The following AGTPBP1 variants were observed in gnomAD, a reference collection of about 807,000 sequenced individuals.
AGTPBP1 encodes ATP/GTP binding carboxypeptidase 1.
Under a neutral mutation model 143.9 loss-of-function variants are expected in AGTPBP1, and 70 were observed. That is an observed-to-expected ratio of 0.49 (90% CI 0.40 to 0.59). AGTPBP1 has a LOEUF of 0.59. Among genes scored for constraint, AGTPBP1 ranks in the 20% least tolerant of loss-of-function variants. AGTPBP1 has a pLI of 0.00. For synonymous variants in AGTPBP1, 463 were observed against 500.2 expected (o/e 0.93, Z 0.99); for missense variants, 1,229 against 1,464.5 (o/e 0.84, Z 2.62).
At chr9:85,742,032 A>T (rs1373829474), upstream of AGTPBP1, 1 of 1,193,672 alleles carries the variant, frequency 8.4e-7, no homozygotes, top group Non-Finnish European at 1.0e-6. Context: ...ACGCGCAGGG[A>T]GTGGGGGCGG....
the AGTPBP1 span, chr9:85,764,706 A>T: frequency 8.9e-7 from 1 of 1,129,668 alleles, no homozygotes; most frequent in Non-Finnish European, 1.4e-6. Context: ...TGTATCTTTT[A>T]GGCCTTAAAC....
At chr9:85,718,982 T>C (rs1328344824) in intron 1 of AGTPBP1, among the ~76,000 whole-genome samples, 1 of 152,048 alleles carries the variant, frequency 6.6e-6, no homozygotes, top group African/African-American at 2.4e-5. Context: ...TGGTTGCAGA[T>C]GTATGGTGTT....
At chr9:85,557,530 T>C (rs547209499) in intron 25 of AGTPBP1, among the ~76,000 whole-genome samples, 13 of 152,324 alleles carry the variant, frequency 8.5e-5, no homozygotes, top group African/African-American at 3.1e-4. Flanking sequence ...GTAGTAGCAA[T>C]AAATGATTCC....
At chr9:85,603,627 G>A (rs910987062) in intron 17 of AGTPBP1, among the ~76,000 whole-genome samples, 3 of 152,130 alleles carry the variant, frequency 2.0e-5, no homozygotes, top group Non-Finnish European at 4.4e-5. Flanking sequence ...AGAGTAAAGG[G>A]GATTTTATCT....
intron 25 of AGTPBP1, among the ~76,000 whole-genome samples, chr9:85,553,243 T>C (rs74305456): frequency 5.3e-5 from 8 of 152,266 alleles, no homozygotes; most frequent in African/African-American, 1.7e-4. Context: ...AAAAAGAAAT[T>C]TGCTAATCTA....
chr9:85,570,888 A>AT (rs919033450), intron 25 of AGTPBP1, among the ~76,000 whole-genome samples: 1 of 152,234 alleles, frequency 6.6e-6, no homozygotes, highest in African/African-American at 2.4e-5. Flanking sequence ...GAGACAGAAG[A>AT]TTAGTTACAC....
intron 1 of AGTPBP1, among the ~76,000 whole-genome samples, chr9:85,731,222 T>TC (rs1838858776): frequency 1.3e-5 from 2 of 152,318 alleles, no homozygotes; most frequent in African/African-American, 4.8e-5. Flanking sequence ...TAAAGTACTA[T>TC]CACTCCTGTT....
intron 2 of AGTPBP1, among the ~76,000 whole-genome samples, chr9:85,710,695 AC>A (rs879502647): frequency 0.014 from 2,196 of 151,976 alleles, 23 homozygotes; most frequent in Middle Eastern, 0.037. Flanking sequence ...AACAACAACA[AC>A]AACAAAAAAA....
intron 25 of AGTPBP1, among the ~76,000 whole-genome samples, chr9:85,569,663 C>T (rs1001756751): frequency 2.0e-5 from 3 of 152,146 alleles, no homozygotes; most frequent in African/African-American, 4.8e-5. Context: ...AATAGCTGTA[C>T]GCTAGTAGCG....
At chr9:85,741,226 C>A (rs1361344585) in intron 1 of AGTPBP1, 1 of 985,322 alleles carries the variant, frequency 1.0e-6, no homozygotes, top group African/African-American at 1.7e-5. Flanking sequence ...AACCACCCAG[C>A]GAGAGGAAGC....
chr9:85,664,599 A>G (rs1227527370), intron 8 of AGTPBP1, among the ~76,000 whole-genome samples: 1 of 152,136 alleles, frequency 6.6e-6, no homozygotes, highest in Non-Finnish European at 1.5e-5. Flanking sequence ...ACATCTCAGA[A>G]ACGTATTTTT....
chr9:85,741,751 T>C (rs1431481792), intron 1 of AGTPBP1, 24 bp downstream of exon 1: 1 of 1,304,550 alleles, frequency 7.7e-7, no homozygotes, highest in Non-Finnish European at 9.7e-7. Flanking sequence ...GGCCGGGACA[T>C]GAGGACTGCA....
At chr9:85,654,355 C>T (rs558625363) in intron 11 of AGTPBP1, among the ~76,000 whole-genome samples, 1 of 152,048 alleles carries the variant, frequency 6.6e-6, no homozygotes, top group East Asian at 1.9e-4. Flanking sequence ...GACAAACAGC[C>T]TACCTCAGAT....
At chr9:85,719,503 C>A (rs569620397) in intron 1 of AGTPBP1, among the ~76,000 whole-genome samples, 8 of 152,236 alleles carry the variant, frequency 5.3e-5, no homozygotes, top group African/African-American at 1.9e-4. Flanking sequence ...TTTTTGCACA[C>A]TGATTTTGTA....
At position 85,618,964 on chromosome 9, in the gene AGTPBP1, G is replaced by C. The variant is rs1830752677; in HGVS notation, c.2335+19C>G. The C allele has an allele frequency of 1.3e-6, 2 of 1,590,682 alleles. No individual in the cohort carries two copies. Among genetic ancestry groups the C allele is most frequent in the African/African-American group, 1.4e-5 (1 of 73,506 alleles). The stretch of plus-strand genomic sequence containing the variant: ...AGATGCCTGCATGCCATTTCAATTG[G>C]GAAAGAAAACTGTCTTACCATAATT... On this transcript the variant is annotated intron_variant, in intron 17 of 25. Coordinates refer to ENST00000357081, the MANE Select transcript of AGTPBP1 (RefSeq NM_001330701.2).
intron 2 of AGTPBP1, among the ~76,000 whole-genome samples, chr9:85,696,926 T>A (rs1195242790): frequency 6.6e-6 from 1 of 152,228 alleles, no homozygotes. Flanking sequence ...TCAATTTGAA[T>A]CTCAAATAAT....
chr9:85,596,275 C>T (rs1829294145), intron 18 of AGTPBP1, 87 bp downstream of exon 18: 2 of 875,968 alleles, frequency 2.3e-6, no homozygotes, highest in African/African-American at 3.4e-5. Context: ...AATAATAACT[C>T]TACTGTTTCC....
At chr9:85,773,305 G>A in the AGTPBP1 span, among the ~76,000 whole-genome samples, 3 of 86,190 alleles carry the variant, frequency 3.5e-5, no homozygotes, top group African/African-American at 8.3e-5. Context: ...CATCAATTCA[G>A]AATTCCAACA....
chr9:85,550,582 A>T lies in AGTPBP1; in HGVS notation c.3504-3296T>A, dbSNP rs114356115. The stretch of plus-strand genomic sequence containing the variant: ...AAGTTCATCTATTTTCTGTATTCTC[A>T]TTATTTCCAAATCCAAATTTCTAGC... On this transcript the variant is annotated intron_variant, in intron 25 of 25. Transcript: ENST00000357081. Among the ~76,000 whole-genome samples the T allele has an allele frequency of 9.7e-3, 1,478 of 152,194 alleles. 23 individuals are homozygous for T. Among genetic ancestry groups the T allele is most frequent in the African/African-American group, 0.034 (1,396 of 41,532 alleles).
Sources: allele counts gnomAD v4.1 joint callset (sites outside exome capture counted in the v4.1 genomes callset), GRCh38; gene constraint gnomAD v4.1.1; transcripts MANE v1.5; gene names NCBI Gene and HGNC (gene_info 2026-07-23, HGNC 2026-07-21).